ARHGAP26: variants seen among roughly 807,000 people sequenced by gnomAD.
ARHGAP26 encodes the protein Rho GTPase activating protein 26, also known as rho GTPase-activating protein 26.
In ARHGAP26, 38 loss-of-function variants were observed where a neutral mutation model predicts 104.8. The ratio of observed to expected loss-of-function variants is 0.36; its 90% CI spans 0.28 to 0.48. The LOEUF is 0.48. Ranked by LOEUF, ARHGAP26 falls within the 20% of genes least tolerant of loss-of-function variation. The probability of loss-of-function intolerance (pLI) is 0.99; values close to 1 mark genes in which losing one functional copy is unlikely to be tolerated. For missense variants in ARHGAP26, 704 were observed against 947.9 expected, an observed-to-expected ratio of 0.74 and a Z score of 3.38; for synonymous variants, 341 against 340.0, an observed-to-expected ratio of 1.00 and a Z score of -0.03.
In ARHGAP26 at chr5:143,223,204, A is replaced by G. The variant is rs1811407857; in HGVS notation, c.*758A>G. The G allele has an allele frequency of 4.3e-6, 1 of 232,818 alleles. No homozygotes were observed. The highest frequency in any genetic ancestry group is 5.6e-5 in the Admixed American group (1 of 17,740). The allele number at this position is 232,818 out of a possible 1,614,324, so 14.4% of individuals were successfully genotyped here. A position where few individuals can be genotyped will look rare whatever the true frequency, so the allele number is the denominator to read the frequency against. ...AACCAAACCAAAAAAATAAAATAAC[A>G]CATCCTCTTTGCATGACACATTTTT... On this transcript the variant is annotated 3_prime_UTR_variant, in exon 23 of 23. Coordinates refer to ENST00000645722, the MANE Select transcript of ARHGAP26 (RefSeq NM_001135608.3).
chr5:142,795,760 G>A (rs1170136076), intron 1 of ARHGAP26, among the ~76,000 whole-genome samples: 1 of 152,118 alleles, frequency 6.6e-6, no homozygotes, highest in Non-Finnish European at 1.5e-5. Flanking sequence ...GTTGAACTTG[G>A]TAGATGGATG....
In ARHGAP26 at chr5:142,907,767, C is replaced by T. The variant is rs774658801; in HGVS notation, c.896C>T (p.Thr299Ile). The change falls in exon 9 of 23, where the codon ACC becomes ATC. Residue 299 changes from threonine to isoleucine, a missense_variant. Thr to Ile is a moderately conservative substitution (Grantham distance 89). Around this residue, in one of 6 missense-constraint regions of ARHGAP26, gnomAD observed 287 missense variants for 438.8 expected, o/e 0.65. Coordinates refer to ENST00000645722, the MANE Select transcript of ARHGAP26 (RefSeq NM_001135608.3). ...CTYQRDSKQI[T>I]MVPFDQKSGG... ...TATCAACGGGATTCCAAACAAATCA[C>T]CATGGTACCATTTGACCAAAAGTCA... 4.3e-6 allele frequency: 7 copies of T among 1,611,596 alleles called. No individual in the cohort carries two copies. Among genetic ancestry groups the T allele is most frequent in the Non-Finnish European group, 5.9e-6 (7 of 1,178,352 alleles).
chr5:143,114,077 G>A (rs1455663756), intron 17 of ARHGAP26, among the ~76,000 whole-genome samples: 1 of 152,044 alleles, frequency 6.6e-6, no homozygotes, highest in South Asian at 2.1e-4. Context: ...TGCCTCAAAG[G>A]GTTCTCCTGT....
intron 17 of ARHGAP26, among the ~76,000 whole-genome samples, chr5:143,120,681 G>A (rs1796027485): frequency 6.6e-6 from 1 of 152,228 alleles, no homozygotes; most frequent in Admixed American, 6.5e-5. Flanking sequence ...ACCTGGACTT[G>A]CAAAACAGGG....
chr5:142,892,094 T>G (rs1758747156), intron 5 of ARHGAP26, among the ~76,000 whole-genome samples: 1 of 151,996 alleles, frequency 6.6e-6, no homozygotes, highest in South Asian at 2.1e-4. Flanking sequence ...TGTTGAAATT[T>G]CCCTGCTTGG....
intron 22 of ARHGAP26, chr5:143,216,540 A>G (rs1030789230): frequency 6.1e-6 from 2 of 326,642 alleles, no homozygotes; most frequent in African/African-American, 2.2e-5. Context: ...CCAACCTGCC[A>G]CCTGTCACCT....
At chr5:142,998,056 T>A (rs1776661998) in intron 11 of ARHGAP26, among the ~76,000 whole-genome samples, 1 of 152,200 alleles carries the variant, frequency 6.6e-6, no homozygotes, top group Non-Finnish European at 1.5e-5. Context: ...GGAACCTAAC[T>A]GTGTTTCTCC....
chr5:142,891,755 CTG>C (rs1758696939), intron 5 of ARHGAP26, among the ~76,000 whole-genome samples: 1 of 152,014 alleles, frequency 6.6e-6, no homozygotes, highest in Admixed American at 6.5e-5. Flanking sequence ...CGGTTTCTGA[CTG>C]TGTCATTTCT....
chr5:142,823,162 T>C (rs1422133718), intron 1 of ARHGAP26, among the ~76,000 whole-genome samples: 3 of 152,154 alleles, frequency 2.0e-5, no homozygotes, highest in Non-Finnish European at 1.5e-5. Flanking sequence ...AAGGTGGAGC[T>C]GAGGGTGGAG....
intron 1 of ARHGAP26, among the ~76,000 whole-genome samples, chr5:142,833,946 GT>G (rs1769036859): frequency 6.6e-6 from 1 of 152,178 alleles, no homozygotes; most frequent in Non-Finnish European, 1.5e-5. Context: ...AGACTCATAA[GT>G]GGGACAGTCA....
At chr5:142,832,771 AG>A (rs1182535462) in intron 1 of ARHGAP26, among the ~76,000 whole-genome samples, 2 of 152,230 alleles carry the variant, frequency 1.3e-5, no homozygotes, top group Non-Finnish European at 2.9e-5. Context: ...AAGGAAAGAA[AG>A]AGAAATGATT....
intron 17 of ARHGAP26, chr5:143,058,066 G>A (rs1260334341): frequency 1.8e-6 from 1 of 554,776 alleles, no homozygotes; most frequent in Admixed American, 2.3e-5. Flanking sequence ...ACAGAATTTT[G>A]TGGGATTATA....
chr5:143,160,241 AG>A (rs1801047233), intron 20 of ARHGAP26, among the ~76,000 whole-genome samples: 1 of 151,672 alleles, frequency 6.6e-6, no homozygotes. Flanking sequence ...TTTTATTTTT[AG>A]TAGAGATGGA....
intron 17 of ARHGAP26, among the ~76,000 whole-genome samples, chr5:143,092,272 T>A (rs148487036): frequency 2.0e-5 from 3 of 151,084 alleles, no homozygotes; most frequent in Admixed American, 1.3e-4. Context: ...CACGCCATTC[T>A]CCTGCCTCGG....
intron 17 of ARHGAP26, among the ~76,000 whole-genome samples, chr5:143,094,997 A>G (rs980044036): frequency 6.6e-6 from 1 of 152,164 alleles, no homozygotes; most frequent in Non-Finnish European, 1.5e-5. Flanking sequence ...AGAAATTTAG[A>G]ATTTATATCT....
intron 9 of ARHGAP26, among the ~76,000 whole-genome samples, chr5:142,911,810 C>T (rs1761872386): frequency 6.6e-6 from 1 of 152,182 alleles, no homozygotes. Context: ...GTCAGAATCT[C>T]TTATGTTTGG....
At chr5:143,010,445 T>G (rs1164931981) in intron 11 of ARHGAP26, among the ~76,000 whole-genome samples, 1 of 152,244 alleles carries the variant, frequency 6.6e-6, no homozygotes, top group African/African-American at 2.4e-5. Context: ...TGGTAAGTGC[T>G]AGGTAAACAA....
chr5:142,912,548 C>T (rs1761967881), intron 9 of ARHGAP26, among the ~76,000 whole-genome samples: 1 of 152,114 alleles, frequency 6.6e-6, no homozygotes, highest in East Asian at 1.9e-4. Context: ...ACATGTACAG[C>T]TTATACCTTA....
Position 142,963,168 on chromosome 5 carries a change from A to ATATATATATATATG in ARHGAP26, c.1107+31046_1107+31047insATATATATATGTAT, listed in dbSNP as rs1562164149. Among the ~76,000 whole-genome samples, 34 of 60,384 alleles carry ATATATATATATATG rather than the reference A, an allele frequency of 5.6e-4. 1 individual carries two copies. The highest frequency in any genetic ancestry group is 3.7e-3 in the African/African-American group (32 of 8,724). 39.6% of individuals were successfully genotyped at this position (60,384 alleles called of 152,430 possible). A position where few individuals can be genotyped will look rare whatever the true frequency, so the allele number is the denominator to read the frequency against. The stretch of plus-strand genomic sequence containing the variant: ...ATGGCTGTGTAGTATTCCATGGTAT[A>ATATATATATATATG]TATGTATATATATATATATATATAT... On this transcript the variant is annotated intron_variant, in intron 11 of 22. Coordinates refer to ENST00000645722, the MANE Select transcript of ARHGAP26 (RefSeq NM_001135608.3).
Sources: gnomAD v4.1 joint callset for allele counts (sites outside exome capture counted in the v4.1 genomes callset) on GRCh38, gnomAD v4.1.1 for gene constraint, gnomAD v4.1.1 regional missense constraint, MANE v1.5 for transcripts, NCBI Gene and HGNC (gene_info 2026-07-23, HGNC 2026-07-21) for gene names.